Variants in HSPG2 observed in about 807,000 individuals in gnomAD.
HSPG2 encodes the protein heparan sulfate proteoglycan 2.
In HSPG2, 278 loss-of-function variants were observed where a neutral mutation model predicts 526.6. The ratio of observed to expected loss-of-function variants is 0.53; its 90% CI spans 0.48 to 0.58. The LOEUF is 0.58. Ranked by LOEUF, HSPG2 falls within the 20% of genes least tolerant of loss-of-function variation. HSPG2 has a pLI of 0.00. For missense variants in HSPG2, 5,354 were observed against 6,099.5 expected (o/e 0.88, Z 4.07); for synonymous variants, 2,465 against 2,555.4 (o/e 0.96, Z 1.07).
chr1:21,895,285 C>T lies in HSPG2; in HGVS notation c.244+637G>A, dbSNP rs1184881696. ...GTAGGTCCTTCTCCACCCAGTATCCCAGAGTGGAAGGAAGCAGGGACTATA... is the reference window on the plus strand; with the variant it reads ...GTAGGTCCTTCTCCACCCAGTATCCTAGAGTGGAAGGAAGCAGGGACTATA... On this transcript the variant is annotated intron_variant, in intron 3 of 96. Coordinates refer to ENST00000374695, the MANE Select transcript of HSPG2 (RefSeq NM_005529.7). This position sits in a 1 kb window ranked among gnomAD's most constrained non-coding sequence, Gnocchi z 4.1. Among the ~76,000 whole-genome samples, 2 of 152,164 alleles carry T rather than the reference C, an allele frequency of 1.3e-5. No individual in the cohort carries two copies. Among genetic ancestry groups the T allele is most frequent in the Non-Finnish European group, 2.9e-5 (2 of 68,004 alleles).
intron 1 of HSPG2, among the ~76,000 whole-genome samples, chr1:21,902,478 C>T (rs1441452019): frequency 6.6e-6 from 1 of 152,184 alleles, no homozygotes; most frequent in Non-Finnish European, 1.5e-5. Context: ...ACACTGGAGG[C>T]ACACTCATTT....
At position 21,864,238 on chromosome 1, in the gene HSPG2, C is replaced by T. The variant is rs1176685612; in HGVS notation, c.4627-25G>A. ...CCTAGGGGCAGAGAGGAAGGTTGGC[C>T]TCTGTTCCCAACGTGCCCCACCCAC... is the stretch of plus-strand genomic sequence containing the variant. On this transcript the variant is annotated intron_variant, in intron 36 of 96. Transcript: ENST00000374695. The surrounding 1 kb of genome is among the most constrained non-coding windows in gnomAD (Gnocchi z 4.8). 1 of 1,541,418 alleles carries T rather than the reference C, an allele frequency of 6.5e-7. No homozygotes were observed. The highest frequency in any genetic ancestry group is 8.8e-7 in the Non-Finnish European group (1 of 1,139,014).
chr1:21,852,299 AC>A, intron 52 of HSPG2, 66 bp from the exon 53 acceptor site: 1 of 1,584,108 alleles, frequency 6.3e-7, no homozygotes, highest in East Asian at 2.2e-5. Context: ...GGGGTTGCCC[AC>A]CCTGCAGCTA....
intron 50 of HSPG2, 111 bp from the exon 51 acceptor site, chr1:21,853,181 G>A (rs756865031): frequency 2.3e-5 from 32 of 1,419,442 alleles, no homozygotes; most frequent in South Asian, 6.2e-5. Context: ...GCCGACAGGT[G>A]GCCTTTCTGG....
chr1:21,834,787 C>T lies in HSPG2; in HGVS notation c.10612G>A (p.Gly3538Ser), dbSNP rs759579786. ...TCTACGTGGGCGATCCTGACGACAC[C>T]TCCGCTCTGCACAATGCCTGGCCGC... ...HLRPGIVQSG[G>S]VVRIAHVELA... is the part of the protein sequence containing the mutation. Residue 3538 changes from glycine (G) to serine (S), a missense_variant, in exon 77 of 97, where the codon GGT (glycine) becomes AGT (serine). Coordinates refer to ENST00000374695, the MANE Select transcript of HSPG2 (RefSeq NM_005529.7). The T allele has an allele frequency of 1.2e-6, 2 of 1,614,236 alleles. No individual in the cohort carries two copies. The highest frequency in any genetic ancestry group is 1.3e-5 in the African/African-American group (1 of 75,062).
At chr1:21,831,598 G>C in intron 82 of HSPG2, 36 bp from the exon 83 acceptor site, 2 of 1,613,854 alleles carry the variant, frequency 1.2e-6, no homozygotes, top group South Asian at 2.2e-5. Flanking sequence ...GGCAACAGAG[G>C]CTGGGCAAGG....
Position 21,857,115 on chromosome 1 carries a change from C to A in HSPG2, c.5475G>T (p.Leu1825=), listed in dbSNP as rs769183448. 4 of 1,614,146 alleles carry A rather than the reference C, an allele frequency of 2.5e-6. No individual in the cohort carries two copies. In the Admixed American group the frequency reaches 6.7e-5, roughly 27 times the overall value. ...CACTCAGCTGGACGTTGCGAATGGTCAGGATGCCATTGAAATCCATGGCTC... is the reference window on the plus strand; with the variant it reads ...CACTCAGCTGGACGTTGCGAATGGTAAGGATGCCATTGAAATCCATGGCTC... ...PTRAMDFNGI[L]TIRNVQLSDA... is the part of the protein sequence containing the mutation. The change falls in exon 44 of 97, where the codon CTG becomes CTT. Residue 1825 remains leucine, a synonymous_variant. Transcript: ENST00000374695.
intron 80 of HSPG2, chr1:21,833,057 G>A (rs2098011537): frequency 4.7e-6 from 3 of 632,020 alleles, no homozygotes; most frequent in South Asian, 3.5e-5. Context: ...GGAGGCTGGA[G>A]ATATCACAGA....
rs774709739 is a variant in HSPG2, at chr1:21,842,018, C to T, written c.9177G>A (p.Arg3059=). 1.2e-6 allele frequency: 2 copies of T among 1,613,524 alleles called. No homozygotes were observed. The highest frequency in any genetic ancestry group is 1.1e-5 in the South Asian group (1 of 91,070). ...AAPISLEWKT[R]NQELEDNVHI... ...CTGGCTCACCCTCCAGCTCCTGGTT[C>T]CGGGTCTTCCACTCGAGGCTGATGG... is the stretch of plus-strand genomic sequence containing the variant. Residue 3059 remains arginine, a synonymous_variant, in exon 69 of 97, where the codon CGG becomes CGA. Transcript: ENST00000374695.
At position 21,881,467 on chromosome 1, in the gene HSPG2, G is replaced by C. The variant is rs1641504283; in HGVS notation, c.1690C>G (p.Pro564Ala). The change falls in exon 14 of 97, where the codon CCA becomes GCA. Residue 564 changes from proline (P) to alanine (A), a missense_variant. Physicochemically the swap from Pro to Ala is conservative, Grantham distance 27. Coordinates refer to ENST00000374695, the MANE Select transcript of HSPG2 (RefSeq NM_005529.7). ...TGCAGCTGCGTGGAGGAGAGGGGTG[G>C]CGTGCCGGGCTGCGCAGGCATTGTC... ...NVTMPAQPGT[P>A]PLSSTQLQID... The C allele has an allele frequency of 1.2e-6, 2 of 1,612,946 alleles. No homozygotes were observed. The highest frequency in any genetic ancestry group is 1.1e-5 in the South Asian group (1 of 91,042).
chr1:21,875,316 C>G (rs1640965439), intron 25 of HSPG2: 2 of 594,460 alleles, frequency 3.4e-6, no homozygotes, highest in Non-Finnish European at 6.0e-6. Flanking sequence ...GAATGACTCT[C>G]CAGAGCTCCC....
rs1321555106 is a variant in HSPG2 at position 21,880,679 on chromosome 1, G to T, written c.1975C>A (p.Gln659Lys). The change falls in exon 15 of 97, where the codon CAG (glutamine) becomes AAG (lysine). Residue 659 changes from glutamine (Q) to lysine (K), a missense_variant. Gln to Lys is a moderately conservative substitution (Grantham distance 53). Coordinates refer to ENST00000374695, the MANE Select transcript of HSPG2 (RefSeq NM_005529.7). ...HTPTQPGALN[Q>K]RQVQFSEEHW... Reference sequence around the variant, plus strand: ...ACCTCAGAGAACTGGACCTGGCGCTGGTTCAGAGCACCAGGTTGGGTGGGT... The same window carrying T: ...ACCTCAGAGAACTGGACCTGGCGCTTGTTCAGAGCACCAGGTTGGGTGGGT... The T allele has an allele frequency of 1.4e-5, 22 of 1,597,462 alleles. No individual in the cohort carries two copies. Among genetic ancestry groups the T allele is most frequent in the Non-Finnish European group, 1.9e-5 (22 of 1,172,472 alleles).
rs1409493839 is a variant in HSPG2 at position 21,890,595 on chromosome 1, A to G, written c.344T>C (p.Val115Ala). The G allele has an allele frequency of 1.2e-6, 2 of 1,612,560 alleles. No homozygotes were observed. The highest frequency in any genetic ancestry group is 3.3e-5 in the Admixed American group (2 of 60,020). The change falls in exon 4 of 97, where the codon GTG (valine) becomes GCG (alanine). Residue 115 changes from valine (V) to alanine (A), a missense_variant. Val to Ala is a moderately conservative substitution (Grantham distance 64). Transcript: ENST00000374695. This position sits in a 1 kb window ranked among gnomAD's most constrained non-coding sequence, Gnocchi z 4.1. Reference sequence around the variant, plus strand: ...CCCCCTTCACCTCACCGTGTCTACCACAGCCTCGGACACCTCTCGGAACTC... The same window carrying G: ...CCCCCTTCACCTCACCGTGTCTACCGCAGCCTCGGACACCTCTCGGAACTC... ...SREFREVSEA[V>A]VDTLESEYLK...
In HSPG2 at chr1:21,865,711, G is replaced by A. The variant is rs1160663257; in HGVS notation, c.4314+6C>T. The A allele has an allele frequency of 6.2e-7, 1 of 1,609,990 alleles. No individual in the cohort carries two copies. Among genetic ancestry groups the A allele is most frequent in the Non-Finnish European group, 8.5e-7 (1 of 1,176,918 alleles). ...TGCCCACCCAGCATGGTGTCCAAAT[G>A]CTCACCGTGATCTGCACATCGGGGT... On this transcript the variant is annotated splice_donor_region_variant and intron_variant, in intron 34 of 96. Transcript: ENST00000374695. The surrounding 1 kb of genome is among the most constrained non-coding windows in gnomAD (Gnocchi z 5.4).
intron 1 of HSPG2, among the ~76,000 whole-genome samples, chr1:21,931,943 T>G (rs1008139023): frequency 1.3e-5 from 2 of 152,098 alleles, no homozygotes; most frequent in Admixed American, 1.3e-4. Context: ...CCTCCCACAC[T>G]GGGCAGGGCC....
chr1:21,835,167 T>G, intron 76 of HSPG2: 1 of 648,764 alleles, frequency 1.5e-6, no homozygotes, highest in Non-Finnish European at 2.8e-6. Context: ...ACAAAGGGTC[T>G]TGGTTGTATT....
chr1:21,905,267 A>C (rs919077052), intron 1 of HSPG2, among the ~76,000 whole-genome samples: 1 of 148,908 alleles, frequency 6.7e-6, no homozygotes, highest in Admixed American at 6.7e-5. Context: ...ACACCCACAC[A>C]CACACACACA....
chr1:21,923,779 T>A (rs12068179), intron 1 of HSPG2, among the ~76,000 whole-genome samples: 1,871 of 144,682 alleles, frequency 0.013, 37 homozygotes, highest in African/African-American at 0.04. Context: ...GACCACAAGC[T>A]CCATAAGCCC....
intron 1 of HSPG2, among the ~76,000 whole-genome samples, chr1:21,899,741 G>A (rs997267757): frequency 3.9e-5 from 6 of 152,210 alleles, no homozygotes; most frequent in South Asian, 2.1e-4. Context: ...CTTGGAGGAG[G>A]CTGAGGAGGT....
Sources: allele counts gnomAD v4.1 joint callset (sites outside exome capture counted in the v4.1 genomes callset), GRCh38; gene constraint gnomAD v4.1.1; non-coding constraint Gnocchi (gnomAD v3.1); transcripts MANE v1.5; gene names NCBI Gene and HGNC (gene_info 2026-07-23, HGNC 2026-07-21).